MAPKBP1: variants seen among roughly 807,000 people sequenced by gnomAD.
The protein encoded by MAPKBP1 is mitogen-activated protein kinase binding protein 1.
Under a neutral mutation model 170.5 loss-of-function variants are expected in MAPKBP1, and 71 were observed. The ratio of observed to expected loss-of-function variants is 0.42; its 90% CI spans 0.34 to 0.51. The LOEUF is 0.51. MAPKBP1 is among the 20% of genes least tolerant of loss of function. MAPKBP1 has a pLI of 0.06. For synonymous variants in MAPKBP1, 719 were observed against 757.9 expected (o/e 0.95, Z 0.84); for missense variants, 1,598 against 1,933.0 (o/e 0.83, Z 3.25).
intron 22 of MAPKBP1, 113 bp downstream of exon 22, chr15:41,819,763 C>G: frequency 9.1e-7 from 1 of 1,098,340 alleles, no homozygotes; most frequent in Non-Finnish European, 1.3e-6. Flanking sequence ...TGCCCACATG[C>G]TGCACTCGTG....
chr15:41,785,548 T>A (rs2064269029), intron 2 of MAPKBP1, among the ~76,000 whole-genome samples: 1 of 152,188 alleles, frequency 6.6e-6, no homozygotes, highest in African/African-American at 2.4e-5. Context: ...GTAGAAATAA[T>A]TTTTTTTCTT....
rs2065055794 is a variant in MAPKBP1, at chr15:41,824,496, G to A, written c.4226G>A (p.Ser1409Asn). 1.9e-6 allele frequency: 3 copies of A among 1,598,608 alleles called. No homozygotes were observed. The highest frequency in any genetic ancestry group is 1.7e-6 in the Non-Finnish European group (2 of 1,172,966). Reference sequence around the variant, plus strand: ...CCGTCTCTTTCAGAGCCAGCGGTGAGCCTGGAGCAGTGTGAGCAGCTGGTG... The same window carrying A: ...CCGTCTCTTTCAGAGCCAGCGGTGAACCTGGAGCAGTGTGAGCAGCTGGTG... ...ALSQDSEPAV[S>N]LEQCEQLVAE... Residue 1409 changes from serine (S) to asparagine (N), a missense_variant, in exon 30 of 31, where the codon AGC becomes AAC. By Grantham distance (46) the Ser-to-Asn change is conservative. Transcript: ENST00000457542.
intron 5 of MAPKBP1, chr15:41,811,606 G>A (rs1042859869): frequency 1.6e-6 from 1 of 614,214 alleles, no homozygotes; most frequent in South Asian, 1.5e-5. Flanking sequence ...GGGCTCAGGA[G>A]GAACGCTTCT....
chr15:41,808,108 T>TC (rs199869326), intron 3 of MAPKBP1, among the ~76,000 whole-genome samples: 41 of 95,602 alleles, frequency 4.3e-4, no homozygotes, highest in East Asian at 2.1e-3. Context: ...TTTCTTTCTT[T>TC]TTTTTTTTTT....
At chr15:41,800,128 C>T (rs62002090) in intron 3 of MAPKBP1, among the ~76,000 whole-genome samples, 41,198 of 152,002 alleles carry the variant, frequency 0.27, 6,778 homozygotes, top group Admixed American at 0.36. Flanking sequence ...GTTATCTACC[C>T]CACCTCCCAC....
chr15:41,819,208 G>A (rs1256683409), intron 20 of MAPKBP1, 38 bp from the exon 21 acceptor site: 26 of 1,605,612 alleles, frequency 1.6e-5, no homozygotes, highest in Non-Finnish European at 2.2e-5. Flanking sequence ...CCCCTATTGA[G>A]TCTCCTCTCC....
intron 2 of MAPKBP1, among the ~76,000 whole-genome samples, chr15:41,794,256 T>C (rs917144728): frequency 5.3e-5 from 8 of 151,734 alleles, no homozygotes; most frequent in Admixed American, 3.9e-4. Flanking sequence ...ACAAACCAGA[T>C]GTTTGAGTTC....
chr15:41,787,095 T>G (rs1596066578), intron 2 of MAPKBP1, among the ~76,000 whole-genome samples: 1 of 151,558 alleles, frequency 6.6e-6, no homozygotes, highest in Non-Finnish European at 1.5e-5. Flanking sequence ...AAGTAGATTT[T>G]TTTCCTGTTG....
Position 41,814,715 on chromosome 15 carries a change from T to C in MAPKBP1, c.1146T>C (p.His382=). Residue 382 remains histidine (H), a synonymous_variant, in exon 10 of 31, where the codon CAT becomes CAC. Coordinates refer to ENST00000457542, the MANE Select transcript of MAPKBP1 (RefSeq NM_014994.3). ...KVGKVYSALY[H]SSCVWSVEVY... is the part of the protein sequence containing the mutation. ...GCAAGGTGTACTCGGCTCTGTATCA[T>C]TCTTCCTGCGTCTGGAGTGTGGAGG... 1.4e-5 allele frequency: 22 copies of C among 1,614,218 alleles called. No individual in the cohort carries two copies. The highest frequency in any genetic ancestry group is 1.8e-5 in the Non-Finnish European group (21 of 1,180,028).
Position 41,815,706 on chromosome 15 carries a change from C to G in MAPKBP1, c.1400C>G (p.Ala467Gly). The G allele has an allele frequency of 6.2e-7, 1 of 1,614,198 alleles. No individual in the cohort carries two copies. The highest frequency in any genetic ancestry group is 1.6e-4 in the Middle Eastern group (1 of 6,062). ...CTGCCTGGAGGAGACAAAGCTGATG[C>G]ATCCCTGTTGGATCCCCGCGTGGGC... ...TELPGGDKAD[A>G]SLLDPRVGIR... Residue 467 changes from alanine (A) to glycine (G), a missense_variant, in exon 12 of 31, where the codon GCA becomes GGA. Transcript: ENST00000457542.
intron 3 of MAPKBP1, among the ~76,000 whole-genome samples, chr15:41,800,488 G>A (rs533533274): frequency 2.0e-5 from 3 of 151,920 alleles, no homozygotes; most frequent in Non-Finnish European, 4.4e-5. Flanking sequence ...GACTACAGGC[G>A]CACTGCCCCA....
intron 2 of MAPKBP1, among the ~76,000 whole-genome samples, chr15:41,787,406 C>T (rs576029470): frequency 1.8e-4 from 28 of 151,794 alleles, no homozygotes; most frequent in African/African-American, 6.5e-4. Flanking sequence ...CTCGCTCTGT[C>T]GCCCAGGCTA....
Position 41,786,777 on chromosome 15 carries a change from A to AAAAAAATATAT in MAPKBP1, c.114+11389_114+11390insAAAAATATATA. On this transcript the variant is annotated intron_variant, in intron 2 of 30. Coordinates refer to ENST00000457542, the MANE Select transcript of MAPKBP1 (RefSeq NM_014994.3). ...CAGACTCCGTCTAAAAAAAAAAAAA[A>AAAAAAATATAT]ATATATATATATATATATATATATA... 1.7e-3 allele frequency among the ~76,000 whole-genome samples: 55 copies of AAAAAAATATAT among 32,436 alleles called. 2 individuals carry two copies. The highest frequency in any genetic ancestry group is 0.05 in the Middle Eastern group (1 of 20). 21.3% of individuals were successfully genotyped at this position (32,436 alleles called of 152,430 possible).
intron 3 of MAPKBP1, among the ~76,000 whole-genome samples, chr15:41,808,957 T>C (rs1290090278): frequency 1.3e-5 from 2 of 151,616 alleles, no homozygotes; most frequent in Non-Finnish European, 2.9e-5. Flanking sequence ...TCCCAGCTAC[T>C]TGGGAGGCTG....
At chr15:41,822,520 G>T (rs867893439) in intron 26 of MAPKBP1, 73 bp from the exon 27 acceptor site, 2 of 1,605,126 alleles carry the variant, frequency 1.2e-6, no homozygotes, top group African/African-American at 1.3e-5. Flanking sequence ...TGTGGCTGGG[G>T]GTCTCAAGGA....
chr15:41,787,717 C>T (rs2152070086), intron 2 of MAPKBP1, among the ~76,000 whole-genome samples: 1 of 152,140 alleles, frequency 6.6e-6, no homozygotes, highest in African/African-American at 2.4e-5. Context: ...AGAGCCATGC[C>T]ATGCATGTCT....
At chr15:41,776,595 C>G (rs2064102155) in intron 2 of MAPKBP1, among the ~76,000 whole-genome samples, 1 of 152,180 alleles carries the variant, frequency 6.6e-6, no homozygotes. Context: ...TAGAAATTGC[C>G]TTAGATATGA....
intron 2 of MAPKBP1, among the ~76,000 whole-genome samples, chr15:41,798,295 C>CT (rs2064530969): frequency 6.8e-6 from 1 of 146,200 alleles, no homozygotes; most frequent in Non-Finnish European, 1.5e-5. Context: ...TCTAGGAGTA[C>CT]TTTTTGAGAT....
intron 22 of MAPKBP1, 24 bp from the exon 23 acceptor site, chr15:41,820,808 C>G (rs980451558): frequency 4.4e-6 from 7 of 1,578,350 alleles, no homozygotes; most frequent in Non-Finnish European, 6.1e-6. Context: ...TGTTACTCCT[C>G]CCCCACCCCC....
Sources: allele counts gnomAD v4.1 joint callset (sites outside exome capture counted in the v4.1 genomes callset), GRCh38; gene constraint gnomAD v4.1.1; transcripts MANE v1.5; gene names NCBI Gene and HGNC (gene_info 2026-07-23, HGNC 2026-07-21).